ARHGAP6: variants seen among roughly 807,000 people sequenced by gnomAD.
The protein encoded by ARHGAP6 is rho GTPase-activating protein 6.
Under a neutral mutation model 55.7 loss-of-function variants are expected in ARHGAP6, and 16 were observed. That is an observed-to-expected ratio of 0.29 (90% confidence interval 0.19 to 0.44). ARHGAP6 has a LOEUF of 0.44. Among genes scored for constraint, ARHGAP6 ranks in the 20% least tolerant of loss-of-function variants. The pLI, the probability that ARHGAP6 is intolerant of heterozygous loss-of-function variation, is 1.00. For missense variants in ARHGAP6, 698 were observed against 808.9 expected, an observed-to-expected ratio of 0.86 and a Z score of 1.66; for synonymous variants, 382 against 360.9, an observed-to-expected ratio of 1.06 and a Z score of -0.66.
At chrX:11,165,188 A>T (rs907398293) in intron 9 of ARHGAP6, among the ~76,000 whole-genome samples, 3 of 111,899 alleles carry the variant, frequency 2.7e-5, no homozygotes, top group South Asian at 3.9e-4. Flanking sequence ...ATATTTATTC[A>T]ACAAATAATT....
intron 1 of ARHGAP6, among the ~76,000 whole-genome samples, chrX:11,532,924 A>G (rs1301377606): frequency 8.9e-6 from 1 of 111,930 alleles, no homozygotes; most frequent in Non-Finnish European, 1.9e-5. Flanking sequence ...AAGTCACTAC[A>G]AGGAAGGCTG....
In ARHGAP6 at chrX:11,340,708, G is replaced by C. The variant is rs755902107; in HGVS notation, c.589-86001C>G. 1.7e-3 allele frequency among the ~76,000 whole-genome samples: 177 copies of C among 106,609 alleles called. 1 individual carries two copies. Among genetic ancestry groups the C allele is most frequent in the African/African-American group, 5.9e-3 (167 of 28,165 alleles). 92.6% of individuals were successfully genotyped at this position (106,609 alleles called of 115,157 possible). ...CGCGCCACTGCACTCCAGCCTGGGAGAAAGAGTGAGACTCCGTCTAAAAAA... is the reference window on the plus strand; with the variant it reads ...CGCGCCACTGCACTCCAGCCTGGGACAAAGAGTGAGACTCCGTCTAAAAAA... On this transcript the variant is annotated intron_variant, in intron 1 of 12. Coordinates refer to ENST00000337414, the MANE Select transcript of ARHGAP6 (RefSeq NM_013427.3).
intron 8 of ARHGAP6, among the ~76,000 whole-genome samples, chrX:11,169,933 T>C (rs184733679): frequency 7.8e-4 from 86 of 110,929 alleles, no homozygotes; most frequent in African/African-American, 2.8e-3. Context: ...AAGTTGTTTA[T>C]TGTAAAATGG....
At chrX:11,548,946 T>C (rs1234845597) in intron 1 of ARHGAP6, among the ~76,000 whole-genome samples, 1 of 112,260 alleles carries the variant, frequency 8.9e-6, no homozygotes, top group Non-Finnish European at 1.9e-5. Context: ...GTACTATATA[T>C]GTAGAAGAAT....
intron 1 of ARHGAP6, among the ~76,000 whole-genome samples, chrX:11,403,797 T>C (rs1483237743): frequency 8.9e-6 from 1 of 112,450 alleles, no homozygotes; most frequent in Non-Finnish European, 1.9e-5. Context: ...ATCTGTTAGA[T>C]AAACAAATCT....
intron 8 of ARHGAP6, among the ~76,000 whole-genome samples, chrX:11,173,204 T>C (rs959027934): frequency 8.9e-6 from 1 of 111,932 alleles, no homozygotes; most frequent in African/African-American, 3.3e-5. Flanking sequence ...GACCCAGCCA[T>C]GGCATGGGGA....
chrX:11,437,082 A>G (rs1197355653), intron 1 of ARHGAP6, among the ~76,000 whole-genome samples: 2 of 110,897 alleles, frequency 1.8e-5, no homozygotes, highest in Non-Finnish European at 3.8e-5. Flanking sequence ...GAAGGAAGAA[A>G]GGGAGGGAGG....
At chrX:11,373,019 C>T (rs1473178946) in intron 1 of ARHGAP6, among the ~76,000 whole-genome samples, 1 of 108,177 alleles carries the variant, frequency 9.2e-6, no homozygotes, top group Non-Finnish European at 1.9e-5. Flanking sequence ...AAATCCCTAA[C>T]CATGAAACTA....
chrX:11,562,642 C>CA (rs372555472), intron 1 of ARHGAP6, among the ~76,000 whole-genome samples: 149 of 100,709 alleles, frequency 1.5e-3, no homozygotes, highest in East Asian at 3.1e-3. Flanking sequence ...TGATTCCCAT[C>CA]AAAAAAAAAA....
chrX:11,608,639 G>C (rs892245992), intron 1 of ARHGAP6, among the ~76,000 whole-genome samples: 1 of 111,659 alleles, frequency 9.0e-6, no homozygotes, highest in Non-Finnish European at 1.9e-5. Context: ...TTGTACTCCC[G>C]TAATTCCCAC....
intron 1 of ARHGAP6, among the ~76,000 whole-genome samples, chrX:11,586,059 T>G (rs2051730080): frequency 9.0e-6 from 1 of 111,537 alleles, no homozygotes; most frequent in Admixed American, 9.5e-5. Flanking sequence ...AGGCACCACC[T>G]CCAACATTGG....
At chrX:11,656,325 A>C (rs2052637067) in intron 1 of ARHGAP6, among the ~76,000 whole-genome samples, 1 of 111,917 alleles carries the variant, frequency 8.9e-6, no homozygotes, top group Non-Finnish European at 1.9e-5. Context: ...TCCTCATCCA[A>C]TGATTTCAGC....
intron 1 of ARHGAP6, among the ~76,000 whole-genome samples, chrX:11,508,852 T>TACACACACACAC (rs199575300): frequency 2.7e-4 from 28 of 101,993 alleles, no homozygotes; most frequent in African/African-American, 1.0e-3. Context: ...CAACTCATAC[T>TACACACACACAC]ACACACACAC....
At chrX:11,153,965 C>A (rs962171742) in intron 10 of ARHGAP6, among the ~76,000 whole-genome samples, 1 of 109,731 alleles carries the variant, frequency 9.1e-6, no homozygotes, top group Non-Finnish European at 1.9e-5. Context: ...CCTCCCCCCT[C>A]CCCCCATCCC....
chrX:11,453,249 AAT>A (rs1363875478), intron 1 of ARHGAP6, among the ~76,000 whole-genome samples: 31 of 95,781 alleles, frequency 3.2e-4, no homozygotes, highest in East Asian at 1.2e-3. Context: ...ATATATACAT[AAT>A]ATATATATAG....
intron 1 of ARHGAP6, among the ~76,000 whole-genome samples, chrX:11,337,037 T>C (rs2048646626): frequency 9.0e-6 from 1 of 110,998 alleles, no homozygotes; most frequent in South Asian, 3.9e-4. Flanking sequence ...ACAGGACTCC[T>C]ACAGCCCACC....
chrX:11,655,336 T>C (rs1286070315), intron 1 of ARHGAP6, among the ~76,000 whole-genome samples: 1 of 112,612 alleles, frequency 8.9e-6, no homozygotes, highest in Non-Finnish European at 1.9e-5. Flanking sequence ...TGAATACTGC[T>C]GCTATAACAT....
At chrX:11,320,575 A>G (rs1195716293) in intron 1 of ARHGAP6, among the ~76,000 whole-genome samples, 1 of 111,088 alleles carries the variant, frequency 9.0e-6, no homozygotes, top group Non-Finnish European at 1.9e-5. Context: ...AACGTGTGAC[A>G]AGAGAGGGAA....
chrX:11,521,078 A>G (rs1365643128), intron 1 of ARHGAP6, among the ~76,000 whole-genome samples: 3 of 111,335 alleles, frequency 2.7e-5, no homozygotes, highest in African/African-American at 9.8e-5. Context: ...AGATGAGTAG[A>G]TTGCAAAAAT....
Sources: allele counts gnomAD v4.1 joint callset (sites outside exome capture counted in the v4.1 genomes callset), GRCh38; gene constraint gnomAD v4.1.1; transcripts MANE v1.5; gene names NCBI Gene and HGNC (gene_info 2026-07-23, HGNC 2026-07-21).